NIPAL3: variants seen among roughly 807,000 people sequenced by gnomAD.
The protein encoded by NIPAL3 is NIPA-like protein 3.
Under a neutral mutation model 47.2 loss-of-function variants are expected in NIPAL3, and 41 were observed. That is an observed-to-expected ratio of 0.87 (90% CI 0.68 to 1.13). The LOEUF (loss-of-function observed/expected upper bound fraction) is 1.13. NIPAL3 is among the 50% of genes most tolerant of loss of function. NIPAL3 has a pLI of 0.00. For synonymous variants in NIPAL3, 194 were observed against 209.6 expected, an observed-to-expected ratio of 0.93 and a Z score of 0.64; for missense variants, 449 against 530.1, an observed-to-expected ratio of 0.85 and a Z score of 1.50.
At position 24,453,448 on chromosome 1, in the gene NIPAL3, A is replaced by G; in HGVS notation, c.581A>G (p.Tyr194Cys). 1 of 1,613,080 alleles carries G rather than the reference A, an allele frequency of 6.2e-7. No homozygotes were observed. The highest frequency in any genetic ancestry group is 2.2e-5 in the East Asian group (1 of 44,826). The change falls in exon 7 of 12, where the codon TAC becomes TGC. Residue 194 changes from tyrosine to cysteine, a missense_variant. By Grantham distance (194) the Tyr-to-Cys change is radical (BLOSUM62 -2). Transcript: ENST00000374399. ...CTGTTCTGCTTGCTGCTCTACTTCT[A>G]CAAGGAGAAGAACGCCAACAACATT... ...IILFCLLLYF[Y>C]KEKNANNIVV...
intron 2 of NIPAL3, among the ~76,000 whole-genome samples, chr1:24,435,783 C>T (rs533135708): frequency 6.6e-6 from 1 of 152,350 alleles, no homozygotes; most frequent in South Asian, 2.1e-4. Flanking sequence ...CCTGCTTAGC[C>T]TTCCCTGATA....
chr1:24,446,023 A>C (rs1027716046), intron 5 of NIPAL3, among the ~76,000 whole-genome samples: 3 of 151,066 alleles, frequency 2.0e-5, no homozygotes, highest in Non-Finnish European at 4.4e-5. Flanking sequence ...GGTGCTGGGA[A>C]TACAGCAGTA....
chr1:24,466,933 A>C (rs11249119), intron 11 of NIPAL3, among the ~76,000 whole-genome samples: 1 of 152,132 alleles, frequency 6.6e-6, no homozygotes, highest in Non-Finnish European at 1.5e-5. Flanking sequence ...GGCCTTTCAC[A>C]GACTGGGTCT....
upstream of NIPAL3, chr1:24,415,055 C>T (rs993410111): frequency 1.3e-5 from 2 of 152,160 alleles, no homozygotes; most frequent in Non-Finnish European, 2.9e-5. Flanking sequence ...GACATTTCTT[C>T]ATACGTAAAA....
chr1:24,432,673 A>C (rs1342972463), intron 2 of NIPAL3, among the ~76,000 whole-genome samples: 1 of 152,240 alleles, frequency 6.6e-6, no homozygotes, highest in Non-Finnish European at 1.5e-5. Flanking sequence ...TCTGTGCCTC[A>C]GCTTCCTCAC....
chr1:24,438,230 C>T (rs538709999), intron 2 of NIPAL3, among the ~76,000 whole-genome samples: 1 of 152,294 alleles, frequency 6.6e-6, no homozygotes, highest in East Asian at 1.9e-4. Context: ...CTGCAGGTGG[C>T]TTTATTCTGT....
chr1:24,428,564 A>G (rs1290023979), intron 2 of NIPAL3, among the ~76,000 whole-genome samples: 1 of 152,078 alleles, frequency 6.6e-6, no homozygotes, highest in Non-Finnish European at 1.5e-5. Context: ...CCTTTGTCCA[A>G]TCATATTTCT....
Position 24,469,277 on chromosome 1 carries a change from T to TAGAA in NIPAL3, c.*92_*93insAGAA. 1 of 1,066,552 alleles carries TAGAA rather than the reference T, an allele frequency of 9.4e-7. No individual in the cohort carries two copies. The highest frequency in any genetic ancestry group is 1.3e-6 in the Non-Finnish European group (1 of 747,848). 66.1% of individuals were successfully genotyped at this position (1,066,552 alleles called of 1,614,324 possible). ...ACTTGCCTTTCAAGTCTCATTTTGT[T>TAGAA]TCTAACTGAGAACTCTATGGATGAT... On this transcript the variant is annotated 3_prime_UTR_variant, in exon 12 of 12. Transcript: ENST00000374399.
intron 1 of NIPAL3, 21 bp downstream of exon 1, chr1:24,415,925 G>C: frequency 5.1e-6 from 5 of 984,738 alleles, no homozygotes; most frequent in Non-Finnish European, 6.0e-6. Context: ...ATTAACACCG[G>C]GAGGAAGGGG....
intron 10 of NIPAL3, among the ~76,000 whole-genome samples, chr1:24,462,502 C>T (rs1214084709): frequency 2.0e-5 from 3 of 152,212 alleles, no homozygotes; most frequent in Admixed American, 6.5e-5. Context: ...TACAGTGGCT[C>T]ACGCCTGTAA....
At chr1:24,421,135 A>G (rs1246094468) in intron 2 of NIPAL3, among the ~76,000 whole-genome samples, 6 of 152,058 alleles carry the variant, frequency 3.9e-5, no homozygotes, top group Admixed American at 2.0e-4. Context: ...CCGGGCAAAC[A>G]TGATGAAACC....
chr1:24,439,237 G>A (rs530096681), intron 2 of NIPAL3, among the ~76,000 whole-genome samples: 1 of 152,188 alleles, frequency 6.6e-6, no homozygotes, highest in South Asian at 2.1e-4. Context: ...TAAATATCCA[G>A]TAATAGCAAA....
chr1:24,436,600 T>C (rs1446635537), intron 2 of NIPAL3, among the ~76,000 whole-genome samples: 1 of 152,074 alleles, frequency 6.6e-6, no homozygotes, highest in Non-Finnish European at 1.5e-5. Context: ...GTGATTCTCC[T>C]GCCTCGGCCT....
Position 24,457,708 on chromosome 1 carries a change from G to A in NIPAL3, c.774-1180G>A, listed in dbSNP as rs530721036. ...TGGCTCCCCAGCCCATGCCCTCACT[G>A]CTCTGCTCTTCTGTCGCCTACTCAG... On this transcript the variant is annotated intron_variant, in intron 8 of 11. Transcript: ENST00000374399. 1.7e-3 allele frequency: 882 copies of A among 530,914 alleles called. 11 individuals carry two copies. The highest frequency in any genetic ancestry group is 0.012 in the South Asian group (849 of 70,958). 32.9% of individuals were successfully genotyped at this position (530,914 alleles called of 1,614,324 possible).
intron 2 of NIPAL3, among the ~76,000 whole-genome samples, chr1:24,427,456 G>C (rs976071949): frequency 3.9e-4 from 59 of 152,330 alleles, no homozygotes; most frequent in African/African-American, 1.3e-3. Context: ...AATCATGTCT[G>C]TCTGTAACTG....
intron 9 of NIPAL3, among the ~76,000 whole-genome samples, chr1:24,459,440 C>T (rs1030158169): frequency 2.0e-5 from 3 of 152,188 alleles, no homozygotes; most frequent in Non-Finnish European, 2.9e-5. Context: ...CCCCCTTTTC[C>T]TCTATTTCAC....
At chr1:24,453,374 C>T (rs537939248) in intron 6 of NIPAL3, 34 bp from the exon 7 acceptor site, 5 of 1,539,474 alleles carry the variant, frequency 3.2e-6, no homozygotes, top group South Asian at 1.1e-5. Flanking sequence ...CTTCTGTGGT[C>T]CCCACTGACC....
chr1:24,439,653 T>C (rs897951286), intron 2 of NIPAL3, among the ~76,000 whole-genome samples: 2 of 152,216 alleles, frequency 1.3e-5, no homozygotes, highest in Non-Finnish European at 2.9e-5. Context: ...TTTTAGAAAG[T>C]ACAAAATTCC....
At chr1:24,438,531 G>T (rs765910503) in intron 2 of NIPAL3, among the ~76,000 whole-genome samples, 1 of 152,212 alleles carries the variant, frequency 6.6e-6, no homozygotes, top group Non-Finnish European at 1.5e-5. Flanking sequence ...TCTAAGCCCC[G>T]CGATCTAGGA....
Sources: allele counts gnomAD v4.1 joint callset (sites outside exome capture counted in the v4.1 genomes callset), GRCh38; gene constraint gnomAD v4.1.1; transcripts MANE v1.5; gene names NCBI Gene and HGNC (gene_info 2026-07-23, HGNC 2026-07-21).